KAZN: variants seen among roughly 807,000 people sequenced by gnomAD.
KAZN encodes the protein kazrin, periplakin interacting protein.
A neutral mutation model predicts 87.4 loss-of-function variants in KAZN; 40 were observed. The ratio of observed to expected loss-of-function variants is 0.46; its 90% CI spans 0.36 to 0.60. KAZN has a LOEUF of 0.60. Ranked by LOEUF, KAZN falls within the 20% of genes least tolerant of loss-of-function variation. The pLI is 0.00. For synonymous variants in KAZN, 466 were observed against 458.3 expected (o/e 1.02, Z -0.22); for missense variants, 898 against 1,073.9 (o/e 0.84, Z 2.29).
At chr1:14,739,835 C>T (rs776041047) in intron 1 of KAZN, among the ~76,000 whole-genome samples, 1 of 152,030 alleles carries the variant, frequency 6.6e-6, no homozygotes, top group Non-Finnish European at 1.5e-5. Flanking sequence ...AGAGAGCCTG[C>T]GAGGAATTCA....
At chr1:14,294,898 A>G (rs1653995443) in intron 2 of KAZN, among the ~76,000 whole-genome samples, 1 of 148,474 alleles carries the variant, frequency 6.7e-6, no homozygotes, top group Admixed American at 6.7e-5. Context: ...GCTCATTCAG[A>G]TCTTTTTTTT....
intron 1 of KAZN, among the ~76,000 whole-genome samples, chr1:14,650,238 A>G (rs1325865570): frequency 6.6e-6 from 1 of 152,130 alleles, no homozygotes; most frequent in African/African-American, 2.4e-5. Flanking sequence ...AAAATTTACA[A>G]GAAACATTAA....
At chr1:15,064,444 G>A (rs1639059745) in intron 7 of KAZN, among the ~76,000 whole-genome samples, 1 of 152,192 alleles carries the variant, frequency 6.6e-6, no homozygotes, top group Non-Finnish European at 1.5e-5. Flanking sequence ...TACGCATGAT[G>A]CCACCACATG....
intron 2 of KAZN, among the ~76,000 whole-genome samples, chr1:14,226,869 AG>A (rs879626001): frequency 3.5e-5 from 5 of 142,028 alleles, no homozygotes; most frequent in Non-Finnish European, 6.2e-5. Flanking sequence ...ACACAAAAAA[AG>A]GGAACAATAG....
At chr1:14,012,401 C>T (rs1640356157) in intron 1 of KAZN, among the ~76,000 whole-genome samples, 1 of 152,146 alleles carries the variant, frequency 6.6e-6, no homozygotes, top group Non-Finnish European at 1.5e-5. Context: ...AAATCAGTGT[C>T]AACAATATCC....
intron 1 of KAZN, among the ~76,000 whole-genome samples, chr1:14,732,653 A>G (rs1402886671): frequency 1.3e-5 from 2 of 152,192 alleles, no homozygotes; most frequent in Admixed American, 1.3e-4. Flanking sequence ...CAAAAGGAAA[A>G]GAACAAAATG....
rs1158515828 is a variant in KAZN at position 14,957,459 on chromosome 1, A to G, written c.227-3225A>G. On this transcript the variant is annotated intron_variant, in intron 1 of 14. Coordinates refer to ENST00000376030, the MANE Select transcript of KAZN (RefSeq NM_201628.3). Reference sequence around the variant, plus strand: ...CACTGTTTCCAGCGCTGAAGACCCAACAGTGAAGGAGACGAGGCAGGATAT... The same window carrying G: ...CACTGTTTCCAGCGCTGAAGACCCAGCAGTGAAGGAGACGAGGCAGGATAT... Among the ~76,000 whole-genome samples the G allele has an allele frequency of 3.9e-5, 6 of 152,228 alleles. No homozygotes were observed. The East Asian group carries it at 1.2e-3, about 29-fold the overall frequency.
chr1:14,952,708 T>C (rs998503635), intron 1 of KAZN, among the ~76,000 whole-genome samples: 6 of 152,108 alleles, frequency 3.9e-5, no homozygotes, highest in African/African-American at 1.2e-4. Context: ...TGGCTCAGCC[T>C]TCAGCACATT....
chr1:14,219,562 T>C (rs1647046967), intron 2 of KAZN, among the ~76,000 whole-genome samples: 2 of 152,222 alleles, frequency 1.3e-5, no homozygotes, highest in African/African-American at 4.8e-5. Context: ...TAGGTCTTCA[T>C]TAATTCATTC....
At chr1:14,828,329 T>C (rs12123938) in intron 1 of KAZN, among the ~76,000 whole-genome samples, 34,654 of 152,254 alleles carry the variant, frequency 0.23, 4,101 homozygotes, top group Middle Eastern at 0.32. Context: ...ATCTCAATTG[T>C]TTTATTTTCG....
rs1309401948 is a variant in KAZN at position 15,114,660 on chromosome 1, A to C, written c.*25A>C. On this transcript the variant is annotated 3_prime_UTR_variant, in exon 15 of 15. Coordinates refer to ENST00000376030, the MANE Select transcript of KAZN (RefSeq NM_201628.3). ...AGGAACTGGTGGCTCCACCAGACCC[A>C]ACGTGAGAGACCCAGGAAGGAAGAG... 1.3e-6 allele frequency: 2 copies of C among 1,560,764 alleles called. No individual in the cohort carries two copies. The highest frequency in any genetic ancestry group is 1.7e-6 in the Non-Finnish European group (2 of 1,152,148).
At chr1:14,582,152 A>T (rs932122110) in intron 2 of KAZN, among the ~76,000 whole-genome samples, 5 of 145,882 alleles carry the variant, frequency 3.4e-5, no homozygotes. Context: ...CAAGCAAAAA[A>T]AACCTAAAGT....
Position 15,091,226 on chromosome 1 carries a change from A to AT in KAZN, c.1223-2950dup, listed in dbSNP as rs760663230. Among the ~76,000 whole-genome samples the AT allele has an allele frequency of 1.4e-4, 21 of 152,088 alleles. No homozygotes were observed. The East Asian group carries it at 3.7e-3, about 27-fold the overall frequency. ...TACTTTACATATTTTTATATACTAG[A>AT]TTTTCTCCACCTAGTATATTGTATA... On this transcript the variant is annotated intron_variant, in intron 8 of 14. Coordinates refer to ENST00000376030, the MANE Select transcript of KAZN (RefSeq NM_201628.3).
intron 1 of KAZN, among the ~76,000 whole-genome samples, chr1:14,892,648 C>A (rs1224899153): frequency 6.6e-6 from 1 of 152,194 alleles, no homozygotes; most frequent in Non-Finnish European, 1.5e-5. Context: ...TTTCGAATGA[C>A]CTCTGTCTGC....
intron 1 of KAZN, among the ~76,000 whole-genome samples, chr1:14,096,918 C>G (rs1048849642): frequency 7.9e-5 from 12 of 152,206 alleles, no homozygotes; most frequent in African/African-American, 2.7e-4. Flanking sequence ...GAAGCTCACC[C>G]AGGGCTTTCA....
chr1:14,347,215 C>T lies in KAZN; in HGVS notation c.249+166623C>T, dbSNP rs545850103. ...GGACGTGTATGTGTAAGGGCTATCACGTAGATTGTTCTGGCTGGGCACTGC... is the reference window on the plus strand; with the variant it reads ...GGACGTGTATGTGTAAGGGCTATCATGTAGATTGTTCTGGCTGGGCACTGC... On this transcript the variant is annotated intron_variant, in intron 2 of 16. Transcript: ENST00000636203. Among the ~76,000 whole-genome samples, 55 of 152,310 alleles carry T rather than the reference C, an allele frequency of 3.6e-4. No individual in the cohort carries two copies. In the South Asian group the frequency reaches 5.8e-3, roughly 16 times the overall value.
intron 2 of KAZN, among the ~76,000 whole-genome samples, chr1:15,003,866 C>A (rs6669896): frequency 3.3e-5 from 5 of 152,102 alleles, no homozygotes; most frequent in Non-Finnish European, 7.4e-5. Context: ...AGCCTCTGTC[C>A]CCAGGTGTCA....
intron 1 of KAZN, among the ~76,000 whole-genome samples, chr1:14,085,105 C>T (rs1442062122): frequency 6.6e-6 from 1 of 152,076 alleles, no homozygotes; most frequent in Non-Finnish European, 1.5e-5. Flanking sequence ...GCTATTCTTC[C>T]CCCAGTTACA....
intron 2 of KAZN, among the ~76,000 whole-genome samples, chr1:14,205,893 A>AAAAAAAAAAAAAAAC (rs1646731828): frequency 1.6e-5 from 1 of 60,806 alleles, no homozygotes; most frequent in Non-Finnish European, 2.9e-5. Context: ...TCAAAAAAAA[A>AAAAAAAAAAAAAAAC]AAAAAAAAAA....
Sources: allele counts gnomAD v4.1 joint callset (sites outside exome capture counted in the v4.1 genomes callset), GRCh38; gene constraint gnomAD v4.1.1; transcripts MANE v1.5; gene names NCBI Gene and HGNC (gene_info 2026-07-23, HGNC 2026-07-21).